MAST2: variants seen among roughly 807,000 people sequenced by gnomAD.
MAST2 encodes the protein microtubule associated serine/threonine kinase 2, also known as microtubule-associated serine/threonine-protein kinase 2.
Under a neutral mutation model 147.4 loss-of-function variants are expected in MAST2, and 70 were observed. The observed-to-expected ratio is 0.47, with a 90% CI of 0.39 to 0.58. The LOEUF is 0.58. Ranked by LOEUF, MAST2 falls within the 20% of genes least tolerant of loss-of-function variation. The pLI is 0.00. For missense variants in MAST2, 2,080 were observed against 2,302.3 expected (o/e 0.90, Z 1.98); for synonymous variants, 869 against 896.8 (o/e 0.97, Z 0.55).
At chr1:46,002,506 G>C (rs1330410856) in intron 6 of MAST2, among the ~76,000 whole-genome samples, 2 of 152,220 alleles carry the variant, frequency 1.3e-5, no homozygotes, top group Non-Finnish European at 2.9e-5. Flanking sequence ...TTCTATGAAA[G>C]TAAGTTGAGA....
intron 4 of MAST2, among the ~76,000 whole-genome samples, chr1:45,910,578 C>T (rs551892466): frequency 2.0e-5 from 3 of 152,152 alleles, no homozygotes; most frequent in Non-Finnish European, 4.4e-5. Flanking sequence ...TCCTCAATTG[C>T]TGTGTGCTAC....
chr1:45,944,663 T>G (rs956596021), intron 4 of MAST2, among the ~76,000 whole-genome samples: 1 of 152,214 alleles, frequency 6.6e-6, no homozygotes, highest in Admixed American at 6.5e-5. Context: ...ACTCCATCCT[T>G]CCAGAAACAT....
chr1:45,838,203 A>G (rs925567791), intron 3 of MAST2, among the ~76,000 whole-genome samples: 1 of 144,494 alleles, frequency 6.9e-6, no homozygotes, highest in Non-Finnish European at 1.5e-5. Flanking sequence ...TTATTTGCCA[A>G]TTATATATAT....
At chr1:45,825,921 A>G (rs1644777153) in intron 2 of MAST2, among the ~76,000 whole-genome samples, 1 of 151,764 alleles carries the variant, frequency 6.6e-6, no homozygotes, top group South Asian at 2.1e-4. Context: ...TACTAAAAAT[A>G]CAAAGATTAG....
At chr1:45,874,918 T>G (rs1052214485) in intron 3 of MAST2, among the ~76,000 whole-genome samples, 1 of 152,088 alleles carries the variant, frequency 6.6e-6, no homozygotes, top group Admixed American at 6.5e-5. Flanking sequence ...AGTCCAGGAA[T>G]GTATAAAAAG....
chr1:45,954,530 G>T (rs772270426), intron 4 of MAST2, among the ~76,000 whole-genome samples: 9 of 152,146 alleles, frequency 5.9e-5, no homozygotes, highest in Admixed American at 5.9e-4. Context: ...TAGCTCCGGG[G>T]GCTTCCAGGC....
At chr1:45,988,654 A>G (rs375863773) in intron 5 of MAST2, among the ~76,000 whole-genome samples, 2 of 152,134 alleles carry the variant, frequency 1.3e-5, no homozygotes, top group African/African-American at 4.8e-5. Flanking sequence ...CTTCCCATTT[A>G]TTTATTCAAT....
chr1:45,851,591 G>T (rs142768940), intron 3 of MAST2, among the ~76,000 whole-genome samples: 1 of 152,250 alleles, frequency 6.6e-6, no homozygotes, highest in African/African-American at 2.4e-5. Context: ...CATGATGTTG[G>T]CTGTGGATTT....
intron 3 of MAST2, among the ~76,000 whole-genome samples, chr1:45,876,952 C>G (rs1421086780): frequency 2.0e-5 from 3 of 152,182 alleles, no homozygotes; most frequent in Admixed American, 1.3e-4. Context: ...TCAGAACTGT[C>G]ATGTAGATTC....
intron 5 of MAST2, among the ~76,000 whole-genome samples, chr1:45,962,538 T>G (rs1483432514): frequency 6.6e-6 from 1 of 152,260 alleles, no homozygotes; most frequent in Non-Finnish European, 1.5e-5. Flanking sequence ...TGAGCATTTT[T>G]TCATGTGTCT....
chr1:45,821,280 C>G (rs1644618869), intron 1 of MAST2, among the ~76,000 whole-genome samples: 1 of 152,120 alleles, frequency 6.6e-6, no homozygotes, highest in Non-Finnish European at 1.5e-5. Context: ...CTGGACTCCA[C>G]AGTTCTGATG....
At chr1:45,876,262 A>G (rs1052200914) in intron 3 of MAST2, among the ~76,000 whole-genome samples, 6 of 152,214 alleles carry the variant, frequency 3.9e-5, no homozygotes, top group African/African-American at 1.4e-4. Context: ...GAAGTGAGAA[A>G]TTAGAGACAT....
At chr1:45,895,728 A>G (rs114694636) in intron 4 of MAST2, among the ~76,000 whole-genome samples, 1,904 of 152,344 alleles carry the variant, frequency 0.012, 16 homozygotes, top group Non-Finnish European at 0.019. Flanking sequence ...TCAAAGATGA[A>G]AGAAAAACAG....
Position 45,806,464 on chromosome 1 carries a change from G to A in MAST2, c.177+2392G>A, listed in dbSNP as rs1042194206. Among the ~76,000 whole-genome samples, 9 of 152,246 alleles carry A rather than the reference G, an allele frequency of 5.9e-5. No homozygotes were observed. The South Asian group carries it at 6.2e-4, about 11-fold the overall frequency. On this transcript the variant is annotated intron_variant, in intron 1 of 28. Transcript: ENST00000361297. ...ACCCACGCTGGAGTGTAGTGGTGCC[G>A]TCATAGCTCACGGCAGCCTTGAACT... is the stretch of plus-strand genomic sequence containing the variant.
At chr1:45,902,413 A>G (rs1422619940) in intron 4 of MAST2, among the ~76,000 whole-genome samples, 1 of 152,078 alleles carries the variant, frequency 6.6e-6, no homozygotes, top group Admixed American at 6.5e-5. Flanking sequence ...TTTTACATTC[A>G]TGTTCATCAG....
At position 46,036,043 on chromosome 1, in the gene MAST2, G is replaced by C. The variant is rs1468427799; in HGVS notation, c.5374G>C (p.Asp1792His). The C allele has an allele frequency of 6.2e-7, 1 of 1,610,022 alleles. No homozygotes were observed. Among genetic ancestry groups the C allele is most frequent in the Non-Finnish European group, 8.5e-7 (1 of 1,178,212 alleles). ...GCATCGGGATTTGGCATTGGTTCCA[G>C]ATGAGCTTTTAAAGCAAACATAGCA... ...QKHRDLALVP[D>H]ELLKQT is the part of the protein sequence containing the mutation. Residue 1792 changes from aspartate to histidine, a missense_variant, in exon 29 of 29, where the codon GAT (aspartate) becomes CAT (histidine). This residue lies in a region of MAST2 where 1,278 missense variants were observed against 1,304.2 expected (regional missense o/e 0.98). Transcript: ENST00000361297.
At chr1:45,927,031 G>T (rs1330430300) in intron 4 of MAST2, among the ~76,000 whole-genome samples, 2 of 152,154 alleles carry the variant, frequency 1.3e-5, no homozygotes. Flanking sequence ...AAAGCTGGGT[G>T]TCCGGGGGAG....
intron 4 of MAST2, among the ~76,000 whole-genome samples, chr1:45,927,563 G>A (rs1385343256): frequency 6.6e-6 from 1 of 152,066 alleles, no homozygotes; most frequent in African/African-American, 2.4e-5. Flanking sequence ...GCTCTGTTCT[G>A]CCTGACTCAC....
intron 4 of MAST2, among the ~76,000 whole-genome samples, chr1:45,928,851 A>G (rs1654827419): frequency 6.6e-6 from 1 of 150,456 alleles, no homozygotes; most frequent in Non-Finnish European, 1.5e-5. Context: ...TTTCCTTGCA[A>G]TTTATTTGTT....
Sources: gnomAD v4.1 joint callset for allele counts (sites outside exome capture counted in the v4.1 genomes callset) on GRCh38, gnomAD v4.1.1 for gene constraint, gnomAD v4.1.1 regional missense constraint, MANE v1.5 for transcripts, NCBI Gene and HGNC (gene_info 2026-07-23, HGNC 2026-07-21) for gene names.